DNAAF6: variants seen among roughly 807,000 people sequenced by gnomAD.
The protein encoded by DNAAF6 is PIH1 domain containing 3.
Under a neutral mutation model 13.7 loss-of-function variants are expected in DNAAF6, and 3 were observed. The ratio of observed to expected loss-of-function variants is 0.22; its 90% confidence interval spans 0.10 to 0.56. The LOEUF is 0.56. Ranked by LOEUF, DNAAF6 falls within the 20% of genes least tolerant of loss-of-function variation. The probability of loss-of-function intolerance (pLI) is 0.92; values close to 1 mark genes in which losing one functional copy is unlikely to be tolerated. For synonymous variants in DNAAF6, 54 were observed against 49.2 expected (o/e 1.10, Z -0.41); for missense variants, 130 against 151.0 (o/e 0.86, Z 0.73).
chrX:107,209,252 C>A (rs1035467261), intron 1 of DNAAF6, among the ~76,000 whole-genome samples: 1 of 101,102 alleles, frequency 9.9e-6, no homozygotes, highest in Non-Finnish European at 1.9e-5. Flanking sequence ...AAAGTTGCTT[C>A]AATCTAGGAA....
intron 5 of DNAAF6, among the ~76,000 whole-genome samples, chrX:107,236,492 T>G (rs1201543285): frequency 8.9e-6 from 1 of 111,878 alleles, no homozygotes; most frequent in Non-Finnish European, 1.9e-5. Flanking sequence ...AGGAGTTGTT[T>G]TTCTATTAAG....
intron 5 of DNAAF6, among the ~76,000 whole-genome samples, chrX:107,224,384 T>G (rs970763233): frequency 3.6e-5 from 4 of 111,918 alleles, no homozygotes; most frequent in Non-Finnish European, 7.5e-5. Context: ...TTCCTTTATT[T>G]CTCTTTGTTT....
chrX:107,214,670 A>G (rs1927937230), intron 2 of DNAAF6, among the ~76,000 whole-genome samples: 1 of 112,207 alleles, frequency 8.9e-6, no homozygotes, highest in African/African-American at 3.2e-5. Flanking sequence ...CAGTACAGAT[A>G]TCATTAGAGG....
At chrX:107,214,958 G>A (rs757068358) in intron 2 of DNAAF6, among the ~76,000 whole-genome samples, 83 of 111,190 alleles carry the variant, frequency 7.5e-4, no homozygotes, top group Non-Finnish European at 1.4e-3. Context: ...AAAGCCATGA[G>A]GGGATCTTAA....
At chrX:107,220,465 A>G (rs1013443341) in intron 4 of DNAAF6, among the ~76,000 whole-genome samples, 1 of 112,158 alleles carries the variant, frequency 8.9e-6, no homozygotes, top group Non-Finnish European at 1.9e-5. Flanking sequence ...TGTTAGGTAG[A>G]TAGAACATCC....
At chrX:107,230,880 T>G (rs1928377380) in intron 5 of DNAAF6, among the ~76,000 whole-genome samples, 1 of 111,884 alleles carries the variant, frequency 8.9e-6, no homozygotes, top group East Asian at 2.8e-4. Flanking sequence ...ACCTTCTTTT[T>G]GATCCTTCAA....
chrX:107,239,051 G>C (rs779629109), intron 6 of DNAAF6, 44 bp downstream of exon 6: 1 of 1,143,004 alleles, frequency 8.7e-7, no homozygotes, highest in African/African-American at 1.8e-5. Flanking sequence ...TAATATTAAA[G>C]AGTCTTCAGT....
At chrX:107,229,318 A>G (rs1415122197) in intron 5 of DNAAF6, among the ~76,000 whole-genome samples, 1 of 106,132 alleles carries the variant, frequency 9.4e-6, no homozygotes, top group Non-Finnish European at 1.9e-5. Context: ...TCATATTTTT[A>G]GTAGAGACGG....
intron 5 of DNAAF6, among the ~76,000 whole-genome samples, chrX:107,230,037 A>G (rs1236224882): frequency 9.0e-6 from 1 of 110,993 alleles, no homozygotes; most frequent in Non-Finnish European, 1.9e-5. Flanking sequence ...GACAACTCAA[A>G]CCTAACATGT....
At chrX:107,225,723 A>T (rs181940801) in intron 5 of DNAAF6, among the ~76,000 whole-genome samples, 3 of 111,716 alleles carry the variant, frequency 2.7e-5, no homozygotes, top group African/African-American at 9.8e-5. Context: ...AAGATTTATG[A>T]ATCCTAAATC....
intron 1 of DNAAF6, among the ~76,000 whole-genome samples, chrX:107,212,646 G>A (rs1214323902): frequency 8.9e-6 from 1 of 111,765 alleles, no homozygotes; most frequent in Non-Finnish European, 1.9e-5. Flanking sequence ...GTTAGCTTGA[G>A]TATGACATTT....
In DNAAF6 at chrX:107,229,513, G is replaced by A. The variant is rs1056971225; in HGVS notation, c.429+6672G>A. ...AGGAAAGACTTCACTCTTTTCTTCC[G>A]AAATCACTAGGCATTCCTCCTCTCT... On this transcript the variant is annotated intron_variant, in intron 5 of 6. Coordinates refer to ENST00000372453, the MANE Select transcript of DNAAF6 (RefSeq NM_173494.2). Among the ~76,000 whole-genome samples the A allele has an allele frequency of 1.3e-4, 14 of 109,927 alleles. No individual in the cohort carries two copies. The East Asian group carries it at 2.9e-3, about 23-fold the overall frequency.
chrX:107,230,691 G>T (rs1928371108), intron 5 of DNAAF6, among the ~76,000 whole-genome samples: 1 of 111,447 alleles, frequency 9.0e-6, no homozygotes, highest in Non-Finnish European at 1.9e-5. Context: ...AAGTAAATCA[G>T]ACCATATCAC....
At chrX:107,234,513 A>G (rs752684636) in intron 5 of DNAAF6, among the ~76,000 whole-genome samples, 2 of 112,218 alleles carry the variant, frequency 1.8e-5, no homozygotes, top group African/African-American at 6.5e-5. Context: ...CTGTTAATCA[A>G]AATTTCCTAA....
Position 107,243,268 on chromosome X carries a change from A to G in DNAAF6, c.615A>G (p.Lys205=). ...CTCTTGAAATCACTATGACTATGAA[A>G]AGAGAGTTAGATATTGCTAATTTCT... ...TETLEITMTM[K]RELDIANFF Residue 205 remains lysine (K), a synonymous_variant, in exon 7 of 7, where the codon AAA becomes AAG. Coordinates refer to ENST00000372453, the MANE Select transcript of DNAAF6 (RefSeq NM_173494.2). 8.3e-7 allele frequency: 1 copy of G among 1,208,626 alleles called. No homozygotes were observed. The highest frequency in any genetic ancestry group is 1.1e-6 in the Non-Finnish European group (1 of 894,531).
chrX:107,222,296 A>G (rs901245551), intron 4 of DNAAF6, among the ~76,000 whole-genome samples: 4 of 111,968 alleles, frequency 3.6e-5, no homozygotes, highest in African/African-American at 1.3e-4. Context: ...AGTTAATGAC[A>G]GAAACAGTAC....
intron 1 of DNAAF6, among the ~76,000 whole-genome samples, chrX:107,210,834 A>C (rs1927839588): frequency 8.9e-6 from 1 of 111,906 alleles, no homozygotes; most frequent in Non-Finnish European, 1.9e-5. Flanking sequence ...TATGTTTAAT[A>C]AGCAGTTTAG....
intron 3 of DNAAF6, among the ~76,000 whole-genome samples, chrX:107,218,527 G>GGA (rs377686671): frequency 0.01 from 1,115 of 107,021 alleles, 20 homozygotes; most frequent in African/African-American, 0.034. Flanking sequence ...ATATGTATAT[G>GGA]GAGAGAGAGA....
At chrX:107,216,801 T>C (rs1003029562) in intron 3 of DNAAF6, 58 bp downstream of exon 3, 49 of 866,848 alleles carry the variant, frequency 5.7e-5, no homozygotes, top group Middle Eastern at 5.8e-4. Flanking sequence ...GTAGAGAAAT[T>C]ATAGGGAGAG....
Sources: allele counts gnomAD v4.1 joint callset (sites outside exome capture counted in the v4.1 genomes callset), GRCh38; gene constraint gnomAD v4.1.1; transcripts MANE v1.5; gene names NCBI Gene and HGNC (gene_info 2026-07-23, HGNC 2026-07-21).